Variants in BRD2 observed in about 807,000 individuals in gnomAD.
BRD2 encodes bromodomain-containing protein 2.
In BRD2, 15 loss-of-function variants were observed where a neutral mutation model predicts 79.1. The observed-to-expected ratio is 0.19, with a 90% CI of 0.13 to 0.29. The LOEUF is 0.29. Ranked by LOEUF, BRD2 falls within the 10% of genes least tolerant of loss-of-function variation. BRD2 has a pLI of 1.00. For synonymous variants in BRD2, 488 were observed against 358.6 expected (o/e 1.36, Z -4.08); for missense variants, 1,053 against 991.3 (o/e 1.06, Z -0.84).
chr6:32,980,327 A>G lies in BRD2; in HGVS notation c.2147-15A>G. The G allele has an allele frequency of 6.2e-7, 1 of 1,612,344 alleles. No homozygotes were observed. The highest frequency in any genetic ancestry group is 2.2e-5 in the East Asian group (1 of 44,886). ...GGGGCAATCTTAATGTATCCTGATA[A>G]ATTTCTTTCATTAGCCATTAAGAAG... On this transcript the variant is annotated splice_polypyrimidine_tract_variant and intron_variant, in intron 11 of 12. Transcript: ENST00000374825.
Position 32,976,860 on chromosome 6 carries a change from C to T in BRD2, c.1124C>T (p.Pro375Leu). The stretch of plus-strand genomic sequence containing the variant: ...GCCTATGCTTGGCCTTTCTATAAAC[C>T]AGTGGATGCTTCTGCACTTGGCCTG... ...HAAYAWPFYK[P>L]VDASALGLHD... Residue 375 changes from proline (P) to leucine (L), a missense_variant, in exon 7 of 13, where the codon CCA becomes CTA. Pro to Leu is a moderately conservative substitution (Grantham distance 98, BLOSUM62 -3). Coordinates refer to ENST00000374825, the MANE Select transcript of BRD2 (RefSeq NM_005104.4). The T allele has an allele frequency of 6.2e-7, 1 of 1,613,112 alleles. No homozygotes were observed. The highest frequency in any genetic ancestry group is 8.5e-7 in the Non-Finnish European group (1 of 1,180,028).
Position 32,972,095 on chromosome 6 carries a change from C to G in BRD2, c.-804C>G, listed in dbSNP as rs993765345. 1.6e-5 allele frequency: 11 copies of G among 693,478 alleles called. No individual in the cohort carries two copies. In the Admixed American group the frequency reaches 1.6e-4, roughly 10 times the overall value. 43.0% of individuals were successfully genotyped at this position (693,478 alleles called of 1,614,324 possible). ...CTTCACCCGCGTGAGCGAGCGCGCG[C>G]GCGCGGAGGGGGTGGGGAAAAGCTC... On this transcript the variant is annotated 5_prime_UTR_variant, in exon 2 of 13. Coordinates refer to ENST00000374825, the MANE Select transcript of BRD2 (RefSeq NM_005104.4).
At position 32,977,712 on chromosome 6, in the gene BRD2, G is replaced by A. The variant is rs201712424; in HGVS notation, c.1330-45G>A. 15 of 1,610,406 alleles carry A rather than the reference G, an allele frequency of 9.3e-6. No homozygotes were observed. The African/African-American group carries it at 1.9e-4, about 20-fold the overall frequency. ...ATATCACTTGGTGGCTGGGTATGTA[G>A]GGCACTGTTTATCAGCATAGTTTTG... On this transcript the variant is annotated intron_variant, in intron 8 of 12. Coordinates refer to ENST00000374825, the MANE Select transcript of BRD2 (RefSeq NM_005104.4).
Position 32,979,943 on chromosome 6 carries a change from G to A in BRD2, c.1957G>A (p.Asp653Asn), listed in dbSNP as rs766833356. 4 of 1,613,224 alleles carry A rather than the reference G, an allele frequency of 2.5e-6. No individual in the cohort carries two copies. The Admixed American group carries it at 5.0e-5, about 20-fold the overall frequency. Residue 653 changes from aspartate (D) to asparagine (N), a missense_variant, in exon 11 of 13, where the codon GAC becomes AAC. Asp to Asn is a conservative substitution (Grantham distance 23). Around this residue, in one of 5 missense-constraint regions of BRD2, gnomAD observed 44 missense variants for 73.7 expected, o/e 0.60. Transcript: ENST00000374825. ...CGATGAGAAGCGGCAGCTGAGCCTG[G>A]ACATCAACAAATTACCTGGGGAGAA... ...SYDEKRQLSL[D>N]INKLPGEKLG...
rs989100897 is a variant in BRD2, at chr6:32,972,065, A to G, written c.-834A>G. ...AGAGGTGTTCCTTCCCCTTCGACTC[A>G]GCTTCTTCACCCGCGTGAGCGAGCG... On this transcript the variant is annotated 5_prime_UTR_variant, in exon 2 of 13. Transcript: ENST00000374825. 4.3e-6 allele frequency: 3 copies of G among 699,170 alleles called. No homozygotes were observed. The highest frequency in any genetic ancestry group is 2.7e-5 in the East Asian group (1 of 37,114). The allele number at this position is 699,170 out of a possible 1,614,324, so 43.3% of individuals were successfully genotyped here. A position where few individuals can be genotyped will look rare whatever the true frequency, so the allele number is the denominator to read the frequency against.
chr6:32,979,262 G>GA (rs1779213649), intron 10 of BRD2: 1 of 156,794 alleles, frequency 6.4e-6, no homozygotes, highest in South Asian at 1.6e-4. Context: ...AGTTTTAGTG[G>GA]AGACGGGGTT....
Position 32,976,020 on chromosome 6 carries a change from T to C in BRD2, c.472-11T>C. 1 of 1,589,644 alleles carries C rather than the reference T, an allele frequency of 6.3e-7. No homozygotes were observed. The highest frequency in any genetic ancestry group is 8.5e-7 in the Non-Finnish European group (1 of 1,172,268). ...TTTTAACTTTCTTTATTGCTGTCTG[T>C]GTTCTCATAGCCCACTGATGATATT... On this transcript the variant is annotated splice_polypyrimidine_tract_variant and intron_variant, in intron 4 of 12. Transcript: ENST00000374825.
At chr6:32,977,404 C>A in intron 7 of BRD2, 38 bp from the exon 8 acceptor site, 3 of 1,613,334 alleles carry the variant, frequency 1.9e-6, no homozygotes, top group Non-Finnish European at 2.5e-6. Flanking sequence ...GGTGAGTCTT[C>A]CTGCCTGTGC....
In BRD2 at chr6:32,980,736, G is replaced by T. The variant is rs1273198679; in HGVS notation, c.*18G>T. On this transcript the variant is annotated 3_prime_UTR_variant, in exon 13 of 13. Transcript: ENST00000374825. ...CAGGCTAAGGGGTCAGGCCAGATGG[G>T]GCAGGAAGGCTCCGCAGGACCGGAC... 6.2e-7 allele frequency: 1 copy of T among 1,611,888 alleles called. No homozygotes were observed. Among genetic ancestry groups the T allele is most frequent in the Non-Finnish European group, 8.5e-7 (1 of 1,180,022 alleles).
At chr6:32,980,169 G>A (rs754839261) in intron 11 of BRD2, 37 bp downstream of exon 11, 1 of 1,594,684 alleles carries the variant, frequency 6.3e-7, no homozygotes, top group Non-Finnish European at 8.5e-7. Context: ...TGGTTCTGAG[G>A]ACAGTTGAGG....
chr6:32,974,681 C>G lies in BRD2; in HGVS notation c.249C>G (p.His83Gln), dbSNP rs150476702. Reference protein sequence around the residue: ...GRVTNQLQYLHKVVMKALWKH... With the variant: ...GRVTNQLQYLQKVVMKALWKH... Reference sequence around the variant, plus strand: ...TTACCAACCAGCTGCAATACCTACACAAGGTAGTGATGAAGGCTCTGTGGA... The same window carrying G: ...TTACCAACCAGCTGCAATACCTACAGAAGGTAGTGATGAAGGCTCTGTGGA... Residue 83 changes from histidine (H) to glutamine (Q), a missense_variant, in exon 3 of 13, where the codon CAC becomes CAG. Physicochemically the swap from His to Gln is conservative, Grantham distance 24. Transcript: ENST00000374825. 39 of 1,614,246 alleles carry G rather than the reference C, an allele frequency of 2.4e-5. No individual in the cohort carries two copies. The African/African-American group carries it at 4.5e-4, about 19-fold the overall frequency.
In BRD2 at chr6:32,972,447, G is replaced by C; in HGVS notation, c.-452G>C. ...ACCCCCTCTACTCCGCCCTCAAGAGGATTTCAAAGATGGAGGCGGCGGCTC... is the reference window on the plus strand; with the variant it reads ...ACCCCCTCTACTCCGCCCTCAAGAGCATTTCAAAGATGGAGGCGGCGGCTC... On this transcript the variant is annotated 5_prime_UTR_variant, in exon 2 of 13. Coordinates refer to ENST00000374825, the MANE Select transcript of BRD2 (RefSeq NM_005104.4). 3.4e-6 allele frequency: 1 copy of C among 294,988 alleles called. No homozygotes were observed. The highest frequency in any genetic ancestry group is 8.9e-5 in the East Asian group (1 of 11,242). The allele number at this position is 294,988 out of a possible 1,614,324, so 18.3% of individuals were successfully genotyped here. A position where few individuals can be genotyped will look rare whatever the true frequency, so the allele number is the denominator to read the frequency against.
Position 32,980,401 on chromosome 6 carries a change from T to C in BRD2, c.2206T>C (p.Leu736=). The C allele has an allele frequency of 6.2e-7, 1 of 1,613,050 alleles. No individual in the cohort carries two copies. Among genetic ancestry groups the C allele is most frequent in the Non-Finnish European group, 8.5e-7 (1 of 1,180,038 alleles). Residue 736 remains leucine (L), a synonymous_variant, in exon 12 of 13, where the codon TTA becomes CTA. Transcript: ENST00000374825. ...ACTGGCTTTGGAGAAAAAGCGGGAA[T>C]TAGAAAAGCGGTTACAAGATGTCAG... The part of the protein sequence containing the change: ...EELALEKKRE[L]EKRLQDVSGQ...
At chr6:32,977,411 G>C (rs371036096) in intron 7 of BRD2, 31 bp from the exon 8 acceptor site, 1 of 1,613,580 alleles carries the variant, frequency 6.2e-7, no homozygotes, top group South Asian at 1.1e-5. Context: ...CTTCCTGCCT[G>C]TGCAGCTTCT....
chr6:32,972,853 C>G lies in BRD2; in HGVS notation c.-46C>G. 6.2e-7 allele frequency: 1 copy of G among 1,613,780 alleles called. No homozygotes were observed. The highest frequency in any genetic ancestry group is 1.1e-5 in the South Asian group (1 of 91,082). On this transcript the variant is annotated 5_prime_UTR_variant, in exon 2 of 13. Transcript: ENST00000374825. The stretch of plus-strand genomic sequence containing the variant: ...GGGCGGTGAGGGGAACCGAGGCCAC[C>G]CGGACTTTCCGCGGCTGAGGGCAGC...
intron 1 of BRD2, chr6:32,969,368 T>C (rs1475562896): frequency 8.4e-6 from 6 of 716,614 alleles, no homozygotes; most frequent in Admixed American, 6.0e-5. Flanking sequence ...AAGGGATCCA[T>C]CGGCGGCCGA....
In BRD2 at chr6:32,978,254, C is replaced by A. The variant is rs767509352; in HGVS notation, c.1707C>A (p.Ala569=). ...KAEKHRGRAG[A]DEDDKGPRAP... ...AGAAGCATCGAGGCCGAGCTGGGGC[C>A]GATGAAGATGACAAGGGGCCTAGGG... Residue 569 remains alanine, a synonymous_variant, in exon 10 of 13, where the codon GCC becomes GCA. Transcript: ENST00000374825. The A allele has an allele frequency of 1.2e-6, 2 of 1,612,844 alleles. No homozygotes were observed. Among genetic ancestry groups the A allele is most frequent in the Admixed American group, 3.3e-5 (2 of 59,998 alleles).
In BRD2 at chr6:32,974,525, G is replaced by A. The variant is rs516535; in HGVS notation, c.93G>A (p.Lys31=). 956,363 of 1,613,806 alleles carry A rather than the reference G, an allele frequency of 0.59. 285,876 individuals are homozygous for A. Among genetic ancestry groups the A allele is most frequent in the African/African-American group, 0.78 (58,593 of 74,986 alleles). ...GCCCAGAAGCAGCAGCACCAGGGAA[G>A]AGGATTCGAAAACCCTCTCTCTTGT... The part of the protein sequence containing the change: ...GLGPEAAAPG[K]RIRKPSLLYE... The change falls in exon 3 of 13, where the codon AAG becomes AAA. Residue 31 remains lysine (K), a synonymous_variant. Transcript: ENST00000374825.
In BRD2 at chr6:32,981,017, C is replaced by A; in HGVS notation, c.*299C>A. ...TGTGCAAAGCCCTGATCTGGAGTTA[C>A]CTGAGGCCACAGCTGCCCTATTCAC... On this transcript the variant is annotated 3_prime_UTR_variant, in exon 13 of 13. Coordinates refer to ENST00000374825, the MANE Select transcript of BRD2 (RefSeq NM_005104.4). The A allele has an allele frequency of 2.4e-6, 1 of 416,756 alleles. No homozygotes were observed. The highest frequency in any genetic ancestry group is 4.4e-5 in the East Asian group (1 of 22,728). The allele number at this position is 416,756 out of a possible 1,614,324, so 25.8% of individuals were successfully genotyped here.
Sources: allele counts gnomAD v4.1 joint callset, GRCh38; gene constraint gnomAD v4.1.1; regional missense constraint gnomAD v4.1.1; transcripts MANE v1.5; gene names NCBI Gene and HGNC (gene_info 2026-07-23, HGNC 2026-07-21).